Variants in GNG7 observed in about 807,000 individuals in gnomAD.
The protein encoded by GNG7 is G protein subunit gamma 7, also known as guanine nucleotide-binding protein G(I)/G(S)/G(O) subunit gamma-7.
A neutral mutation model predicts 4.0 loss-of-function variants in GNG7; 1 was observed. The ratio of observed to expected loss-of-function variants is 0.25; its 90% CI spans 0.09 to 1.18. The LOEUF is 1.18. Among genes scored for constraint, GNG7 ranks in the 50% most tolerant of loss-of-function variants. GNG7 has a pLI of 0.50. For synonymous variants in GNG7, 34 were observed against 36.9 expected (o/e 0.92, Z 0.29); for missense variants, 86 against 91.9 (o/e 0.94, Z 0.26).
At chr19:2,521,038 G>A (rs1285116881) in intron 3 of GNG7, among the ~76,000 whole-genome samples, 2 of 151,764 alleles carry the variant, frequency 1.3e-5, no homozygotes, top group African/African-American at 4.8e-5. Flanking sequence ...GGTGGATCAT[G>A]AGGTCAGGAG....
intron 2 of GNG7, among the ~76,000 whole-genome samples, chr19:2,597,844 C>A (rs569588675): frequency 6.7e-6 from 1 of 148,864 alleles, no homozygotes; most frequent in East Asian, 2.0e-4. Context: ...TGCAGTGAGC[C>A]GAGATTGCGC....
At chr19:2,579,314 G>A (rs1274999709) in intron 2 of GNG7, among the ~76,000 whole-genome samples, 1 of 152,258 alleles carries the variant, frequency 6.6e-6, no homozygotes, top group Non-Finnish European at 1.5e-5. Flanking sequence ...TCCCGTCCGG[G>A]TCTCTGTGTC....
chr19:2,661,565 C>T (rs186680469), intron 1 of GNG7, among the ~76,000 whole-genome samples: 15 of 150,466 alleles, frequency 1.0e-4, no homozygotes, highest in Admixed American at 5.3e-4. Flanking sequence ...CTCAGCTACT[C>T]GGGAGGCTGA....
chr19:2,657,353 AAAAAAAAAATATATAT>A (rs1445299116), intron 1 of GNG7, among the ~76,000 whole-genome samples: 248 of 20,644 alleles, frequency 0.012, 1 homozygote, highest in South Asian at 0.033. Flanking sequence ...AAAAAAAAAA[AAAAAAAAAATATATAT>A]ATATATATAT....
chr19:2,570,740 G>A (rs1283683824), intron 2 of GNG7, among the ~76,000 whole-genome samples: 3 of 152,196 alleles, frequency 2.0e-5, no homozygotes, highest in South Asian at 2.1e-4. Context: ...GGTAAAGGAC[G>A]TGAACCCACA....
chr19:2,524,536 G>A (rs1978334457), intron 3 of GNG7, among the ~76,000 whole-genome samples: 1 of 152,256 alleles, frequency 6.6e-6, no homozygotes, highest in South Asian at 2.1e-4. Flanking sequence ...ACACATATCT[G>A]CATGTGTATG....
intron 3 of GNG7, chr19:2,538,330 C>T (rs1329125795): frequency 2.0e-5 from 9 of 454,082 alleles, no homozygotes; most frequent in South Asian, 6.2e-5. Context: ...CCAAAGCATG[C>T]GTCAGGCCAT....
chr19:2,623,675 G>C (rs62123735), intron 2 of GNG7, among the ~76,000 whole-genome samples: 10,784 of 152,118 alleles, frequency 0.071, 438 homozygotes, highest in African/African-American at 0.12. Context: ...GAGGTCAGGA[G>C]TTGGAGACCA....
In GNG7 at chr19:2,696,292, GAGAAAGAAAGAAAGAAAGAA is replaced by G. The variant is rs796306243; in HGVS notation, c.-135+6334_-135+6353del. On this transcript the variant is annotated intron_variant, in intron 1 of 4. Coordinates refer to ENST00000382159, the MANE Select transcript of GNG7 (RefSeq NM_052847.3). ...AAGGAGAGAAAGAAAAAGAGAGAGAGAGAAAGAAAGAAAGAAAGAAAGAAAGAAAGAAAGAAAGAAAGAAA... is the reference window on the plus strand; with the variant it reads ...AAGGAGAGAAAGAAAAAGAGAGAGAGAGAAAGAAAGAAAGAAAGAAAGAAA... Among the ~76,000 whole-genome samples the G allele has an allele frequency of 1.5e-3, 158 of 108,608 alleles. 2 individuals carry two copies. The highest frequency in any genetic ancestry group is 4.2e-3 in the African/African-American group (113 of 27,194). 71.3% of individuals were successfully genotyped at this position (108,608 alleles called of 152,430 possible). A position where few individuals can be genotyped will look rare whatever the true frequency, so the allele number is the denominator to read the frequency against.
In GNG7 at chr19:2,520,712, C is replaced by G. The variant is rs1249275197; in HGVS notation, c.-24G>C. ...ATTGTCTGCCATCAGCTCTGGGCCCCGTTGTTCAGAGAGCTGTGGGGGAAG... is the reference window on the plus strand; with the variant it reads ...ATTGTCTGCCATCAGCTCTGGGCCCGGTTGTTCAGAGAGCTGTGGGGGAAG... On this transcript the variant is annotated 5_prime_UTR_variant, in exon 4 of 5. Coordinates refer to ENST00000382159, the MANE Select transcript of GNG7 (RefSeq NM_052847.3). 7.0e-7 allele frequency: 1 copy of G among 1,437,178 alleles called. No homozygotes were observed. The highest frequency in any genetic ancestry group is 9.6e-7 in the Non-Finnish European group (1 of 1,043,192). The allele number at this position is 1,437,178 out of a possible 1,614,324, so 89.0% of individuals were successfully genotyped here.
chr19:2,547,677 CCAG>C (rs1313508161), intron 3 of GNG7, among the ~76,000 whole-genome samples: 2 of 152,192 alleles, frequency 1.3e-5, no homozygotes, highest in African/African-American at 4.8e-5. Flanking sequence ...CCAGCACATC[CCAG>C]ACACTGGGTA....
chr19:2,654,763 A>G (rs1209205735), intron 1 of GNG7, among the ~76,000 whole-genome samples: 2 of 138,168 alleles, frequency 1.4e-5, no homozygotes, highest in African/African-American at 2.6e-5. Flanking sequence ...TTTCGAAATA[A>G]TGAATGCAGG....
intron 1 of GNG7, among the ~76,000 whole-genome samples, chr19:2,681,017 G>C (rs146919006): frequency 2.7e-4 from 41 of 152,172 alleles, no homozygotes; most frequent in African/African-American, 9.4e-4. Context: ...CCATGGCTCT[G>C]ATTTGCATTT....
At position 2,604,639 on chromosome 19, in the gene GNG7, CAA is replaced by C. The variant is rs71178297; in HGVS notation, c.-78+41583_-78+41584del. Among the ~76,000 whole-genome samples, 14 of 87,860 alleles carry C rather than the reference CAA, an allele frequency of 1.6e-4. No homozygotes were observed. In the East Asian group the frequency reaches 2.0e-3, roughly 13 times the overall value. The allele number at this position is 87,860 out of a possible 152,430, so 57.6% of individuals were successfully genotyped here. A position where few individuals can be genotyped will look rare whatever the true frequency, so the allele number is the denominator to read the frequency against. ...TGGGCAACGGAGCAAGACCCTCCTT[CAA>C]AAAAAAAAAAAAAAAGAATGAATGG... On this transcript the variant is annotated intron_variant, in intron 2 of 4. Coordinates refer to ENST00000382159, the MANE Select transcript of GNG7 (RefSeq NM_052847.3).
rs61065013 is a variant in GNG7 at position 2,673,692 on chromosome 19, T to TA, written c.-134-27413dup. The stretch of plus-strand genomic sequence containing the variant: ...CTGGGTGAAAGAGCGAGACTCCATC[T>TA]AAAAAAAAAAAAAAAGAAAGAAAGA... On this transcript the variant is annotated intron_variant, in intron 1 of 4. Transcript: ENST00000382159. Among the ~76,000 whole-genome samples the TA allele has an allele frequency of 1.0e-2, 1,276 of 128,162 alleles. 16 individuals are homozygous for TA. Among genetic ancestry groups the TA allele is most frequent in the African/African-American group, 0.032 (1,139 of 35,396 alleles). 84.1% of individuals were successfully genotyped at this position (128,162 alleles called of 152,430 possible).
intron 2 of GNG7, among the ~76,000 whole-genome samples, chr19:2,638,565 G>A (rs1248599319): frequency 2.0e-4 from 23 of 115,868 alleles, no homozygotes; most frequent in Admixed American, 3.6e-4. Context: ...GAGGGGAGGG[G>A]AAGGGAAGGG....
chr19:2,511,793 C>T lies in GNG7; in HGVS notation c.*3229G>A, dbSNP rs1165523987. ...CTGGCCCAGCCGCCCCGTTTATGTC[C>T]CCAGAGGCCAGAGGTCGCAGCTGAG... On this transcript the variant is annotated 3_prime_UTR_variant, in exon 5 of 5. Coordinates refer to ENST00000382159, the MANE Select transcript of GNG7 (RefSeq NM_052847.3). The surrounding 1 kb of genome is among the most constrained non-coding windows in gnomAD (Gnocchi z 6.3). The T allele has an allele frequency of 2.0e-6, 2 of 986,102 alleles. No homozygotes were observed. Among genetic ancestry groups the T allele is most frequent in the Non-Finnish European group, 2.4e-6 (2 of 830,234 alleles). The allele number at this position is 986,102 out of a possible 1,614,324, so 61.1% of individuals were successfully genotyped here.
At chr19:2,682,446 C>T (rs191055362) in intron 1 of GNG7, among the ~76,000 whole-genome samples, 1 of 151,388 alleles carries the variant, frequency 6.6e-6, no homozygotes, top group African/African-American at 2.4e-5. Flanking sequence ...GGGCGGATCA[C>T]GAGGTCAGGA....
intron 2 of GNG7, among the ~76,000 whole-genome samples, chr19:2,616,293 G>A (rs1981721995): frequency 6.6e-6 from 1 of 152,116 alleles, no homozygotes; most frequent in Admixed American, 6.5e-5. Context: ...TGCCCAGGCT[G>A]GAGTGCAATG....
Sources: allele counts gnomAD v4.1 joint callset (sites outside exome capture counted in the v4.1 genomes callset), GRCh38; gene constraint gnomAD v4.1.1; non-coding constraint Gnocchi (gnomAD v3.1); transcripts MANE v1.5; gene names NCBI Gene and HGNC (gene_info 2026-07-23, HGNC 2026-07-21).